Variants in PRDM16 observed in about 807,000 individuals in gnomAD.
The protein encoded by PRDM16 is PR/SET domain 16.
A neutral mutation model predicts 110.6 loss-of-function variants in PRDM16; 23 were observed. That is an observed-to-expected ratio of 0.21 (90% CI 0.15 to 0.29). The LOEUF (loss-of-function observed/expected upper bound fraction) is 0.29. Among genes scored for constraint, PRDM16 ranks in the 10% least tolerant of loss-of-function variants. The pLI, the probability that PRDM16 is intolerant of heterozygous loss-of-function variation, is 1.00. For missense variants in PRDM16, 1,615 were observed against 1,794.3 expected (o/e 0.90, Z 1.81); for synonymous variants, 799 against 781.8 (o/e 1.02, Z -0.37).
chr1:3,195,244 A>G (rs1429289462), intron 2 of PRDM16, among the ~76,000 whole-genome samples: 3 of 152,196 alleles, frequency 2.0e-5, no homozygotes, highest in Non-Finnish European at 4.4e-5. Context: ...GTCACAGCAC[A>G]GGCTTCCCAT....
intron 3 of PRDM16, among the ~76,000 whole-genome samples, chr1:3,287,382 C>G (rs1402361946): frequency 4.5e-5 from 4 of 89,518 alleles, no homozygotes; most frequent in Admixed American, 1.1e-4. Flanking sequence ...CGCGGGCATC[C>G]AGGATTGCAT....
chr1:3,223,940 C>T (rs1639229513), intron 2 of PRDM16, among the ~76,000 whole-genome samples: 1 of 152,176 alleles, frequency 6.6e-6, no homozygotes, highest in South Asian at 2.1e-4. Context: ...GGCGTCTCCT[C>T]CTTTTACAAA....
chr1:3,341,321 C>T (rs1642267525), intron 3 of PRDM16, among the ~76,000 whole-genome samples: 1 of 152,180 alleles, frequency 6.6e-6, no homozygotes, highest in Non-Finnish European at 1.5e-5. Context: ...CACCTGTCCT[C>T]CTTCAGAGGC....
intron 1 of PRDM16, among the ~76,000 whole-genome samples, chr1:3,139,575 A>G (rs1643506827): frequency 1.3e-5 from 2 of 152,266 alleles, no homozygotes; most frequent in South Asian, 2.1e-4. Flanking sequence ...CTCTGTCACC[A>G]TGAATGCCAT....
intron 3 of PRDM16, among the ~76,000 whole-genome samples, chr1:3,329,410 A>C (rs1393550770): frequency 1.3e-5 from 2 of 149,002 alleles, no homozygotes; most frequent in African/African-American, 5.0e-5. Context: ...GTTTTGCAGG[A>C]ATGGAATTAA....
At chr1:3,137,656 G>C (rs945666276) in intron 1 of PRDM16, among the ~76,000 whole-genome samples, 4 of 152,248 alleles carry the variant, frequency 2.6e-5, no homozygotes, top group African/African-American at 9.6e-5. Flanking sequence ...CTTCTCTGCG[G>C]CAAACCCCAT....
At chr1:3,147,034 TGTG>T (rs1398360357) in intron 1 of PRDM16, among the ~76,000 whole-genome samples, 5 of 132,164 alleles carry the variant, frequency 3.8e-5, no homozygotes, top group Non-Finnish European at 7.8e-5. Flanking sequence ...GTGTGCTCGG[TGTG>T]GGGTGTGTGT....
intron 3 of PRDM16, among the ~76,000 whole-genome samples, chr1:3,312,681 C>T (rs531925664): frequency 2.0e-5 from 3 of 152,354 alleles, no homozygotes; most frequent in South Asian, 2.1e-4. Flanking sequence ...CAGGCTCTGA[C>T]GCTGGAATTG....
chr1:3,134,142 G>C (rs1164013732), intron 1 of PRDM16, among the ~76,000 whole-genome samples: 1 of 152,170 alleles, frequency 6.6e-6, no homozygotes, highest in Non-Finnish European at 1.5e-5. Flanking sequence ...CCACCTCTGG[G>C]CTCCTGCTGG....
rs557541687 is a variant in PRDM16, at chr1:3,382,587, G to T, written c.439-2565G>T. Among the ~76,000 whole-genome samples the T allele has an allele frequency of 1.3e-5, 2 of 152,194 alleles. No homozygotes were observed. The highest frequency in any genetic ancestry group is 2.9e-5 in the Non-Finnish European group (2 of 68,030). ...GAGCCAGCCGGGGCCCAGAACAGGG[G>T]GAAGGTGTTGGCTGAGCCCATGTCT... On this transcript the variant is annotated intron_variant, in intron 3 of 16. Coordinates refer to ENST00000270722, the MANE Select transcript of PRDM16 (RefSeq NM_022114.4). The surrounding 1 kb of genome is among the most constrained non-coding windows in gnomAD (Gnocchi z 6.6).
intron 1 of PRDM16, among the ~76,000 whole-genome samples, chr1:3,073,319 G>A (rs1307548781): frequency 6.6e-6 from 1 of 152,246 alleles, no homozygotes; most frequent in African/African-American, 2.4e-5. Context: ...AGGCAATTAG[G>A]GATCCTTGGG....
chr1:3,137,391 TGA>T lies in PRDM16; in HGVS notation c.38-48724_38-48723del, dbSNP rs568658530. Among the ~76,000 whole-genome samples, 88 of 152,256 alleles carry T rather than the reference TGA, an allele frequency of 5.8e-4. 3 individuals are homozygous for T. In the South Asian group the frequency reaches 0.017, roughly 30 times the overall value. On this transcript the variant is annotated intron_variant, in intron 1 of 16. Coordinates refer to ENST00000270722, the MANE Select transcript of PRDM16 (RefSeq NM_022114.4). ...CCTTCCTGCAAAGCCTCATCATGTG[TGA>T]GAGAGAGAGGCTAGGGAGAGTGGTG...
intron 1 of PRDM16, among the ~76,000 whole-genome samples, chr1:3,140,494 G>A (rs960667829): frequency 5.9e-5 from 9 of 152,018 alleles, no homozygotes; most frequent in African/African-American, 4.8e-5. Flanking sequence ...GCAGAGAACC[G>A]GCCCCGACCA....
At chr1:3,235,603 C>A (rs770185363) in intron 2 of PRDM16, among the ~76,000 whole-genome samples, 1 of 152,230 alleles carries the variant, frequency 6.6e-6, no homozygotes, top group Non-Finnish European at 1.5e-5. Context: ...TGCCAGTCCC[C>A]ACACCAGGTC....
rs1489430866 is a variant in PRDM16, at chr1:3,208,793, C to T, written c.387+22319C>T. The T allele has an allele frequency of 6.6e-6, 1 of 152,302 alleles. No individual in the cohort carries two copies. The highest frequency in any genetic ancestry group is 1.5e-5 in the Non-Finnish European group (1 of 68,104). 9.4% of individuals were successfully genotyped at this position (152,302 alleles called of 1,614,324 possible). On this transcript the variant is annotated intron_variant, in intron 2 of 16. Transcript: ENST00000270722. The surrounding 1 kb of genome is among the most constrained non-coding windows in gnomAD (Gnocchi z 6.1). The stretch of plus-strand genomic sequence containing the variant: ...GGTCAAAGGTATGGGCCACCATCCC[C>T]TTTGTGGGGTTTGTCCTTTGGAACC...
intron 3 of PRDM16, among the ~76,000 whole-genome samples, chr1:3,323,228 A>G (rs1030681809): frequency 6.6e-6 from 1 of 152,188 alleles, no homozygotes; most frequent in Non-Finnish European, 1.5e-5. Flanking sequence ...TCTCACCGGT[A>G]CAGGTGGGGG....
chr1:3,114,574 T>A (rs10909877), intron 1 of PRDM16, among the ~76,000 whole-genome samples: 84,107 of 151,076 alleles, frequency 0.56, 24,536 homozygotes, highest in East Asian at 0.83. Flanking sequence ...AAGCACACAC[T>A]TGCACACACA....
In PRDM16 at chr1:3,277,754, CAT is replaced by C. The variant is rs1334721258; in HGVS notation, c.438+33618_438+33619del. Among the ~76,000 whole-genome samples the C allele has an allele frequency of 7.3e-4, 93 of 126,592 alleles. 1 individual carries two copies. The highest frequency in any genetic ancestry group is 8.5e-4 in the Non-Finnish European group (46 of 53,996). The allele number at this position is 126,592 out of a possible 152,430, so 83.0% of individuals were successfully genotyped here. A position where few individuals can be genotyped will look rare whatever the true frequency, so the allele number is the denominator to read the frequency against. ...GCGCGCACACACGCACACGCACACA[CAT>C]GCACACACGCGCACACACACGCACA... On this transcript the variant is annotated intron_variant, in intron 3 of 16. Coordinates refer to ENST00000270722, the MANE Select transcript of PRDM16 (RefSeq NM_022114.4).
intron 3 of PRDM16, among the ~76,000 whole-genome samples, chr1:3,266,169 C>T (rs1047589467): frequency 6.6e-6 from 1 of 152,216 alleles, no homozygotes; most frequent in Non-Finnish European, 1.5e-5. Context: ...CAGAAATGGG[C>T]TTCGCTCTTC....
Sources: gnomAD v4.1 joint callset for allele counts (sites outside exome capture counted in the v4.1 genomes callset) on GRCh38, gnomAD v4.1.1 for gene constraint, Gnocchi (gnomAD v3.1) non-coding constraint, MANE v1.5 for transcripts, NCBI Gene and HGNC (gene_info 2026-07-23, HGNC 2026-07-21) for gene names.